Variants in DOCK4 observed in about 807,000 individuals in gnomAD.
The protein encoded by DOCK4 is dedicator of cytokinesis 4.
DOCK4 carries 97 observed loss-of-function variants against 268.1 expected under a neutral mutation model. That is an observed-to-expected ratio of 0.36 (90% confidence interval 0.31 to 0.43). DOCK4 has a LOEUF of 0.43. Among genes scored for constraint, DOCK4 ranks in the 20% least tolerant of loss-of-function variants. The pLI, the probability that DOCK4 is intolerant of heterozygous loss-of-function variation, is 1.00. For missense variants in DOCK4, 2,145 were observed against 2,455.7 expected (o/e 0.87, Z 2.67); for synonymous variants, 954 against 887.2 (o/e 1.08, Z -1.34).
chr7:111,890,840 T>C (rs1808229981), intron 16 of DOCK4, among the ~76,000 whole-genome samples: 1 of 152,230 alleles, frequency 6.6e-6, no homozygotes, highest in African/African-American at 2.4e-5. Flanking sequence ...TTTAAACTAA[T>C]ACTTTACATG....
At chr7:111,745,123 T>C (rs1007077735) in intron 44 of DOCK4, among the ~76,000 whole-genome samples, 3 of 152,186 alleles carry the variant, frequency 2.0e-5, no homozygotes, top group African/African-American at 2.4e-5. Context: ...AGGGACACAG[T>C]AGGCAACAGA....
At chr7:112,021,070 G>A (rs993922759) in intron 1 of DOCK4, among the ~76,000 whole-genome samples, 2 of 152,190 alleles carry the variant, frequency 1.3e-5, no homozygotes, top group South Asian at 2.1e-4. Flanking sequence ...GCTGGGGGAC[G>A]AACACTAGAG....
At chr7:111,996,935 TC>T (rs1800013290) in intron 4 of DOCK4, among the ~76,000 whole-genome samples, 1 of 152,240 alleles carries the variant, frequency 6.6e-6, no homozygotes, top group Non-Finnish European at 1.5e-5. Context: ...TCTTCCTTGG[TC>T]AGAGCATATG....
At chr7:111,847,889 T>C (rs1377426339) in intron 23 of DOCK4, among the ~76,000 whole-genome samples, 1 of 152,212 alleles carries the variant, frequency 6.6e-6, no homozygotes, top group Non-Finnish European at 1.5e-5. Flanking sequence ...AATGGTTATA[T>C]CACAATTTCT....
At chr7:112,199,394 G>T (rs1820729700) in intron 1 of DOCK4, among the ~76,000 whole-genome samples, 1 of 152,036 alleles carries the variant, frequency 6.6e-6, no homozygotes, top group Non-Finnish European at 1.5e-5. Context: ...CATTCCTCAG[G>T]GTACTGCATA....
chr7:111,809,804 C>T (rs1407991658), intron 28 of DOCK4, among the ~76,000 whole-genome samples: 1 of 152,126 alleles, frequency 6.6e-6, no homozygotes, highest in African/African-American at 2.4e-5. Context: ...TGTGTGAGTT[C>T]ATTTTTGGAA....
At chr7:111,897,632 T>TAC (rs1808869290) in intron 15 of DOCK4, among the ~76,000 whole-genome samples, 1 of 152,144 alleles carries the variant, frequency 6.6e-6, no homozygotes, top group Non-Finnish European at 1.5e-5. Flanking sequence ...TGGGAGTATC[T>TAC]ACACCATGGA....
intron 1 of DOCK4, among the ~76,000 whole-genome samples, chr7:112,188,787 GTGT>G (rs149170856): frequency 0.027 from 4,073 of 152,224 alleles, 175 homozygotes; most frequent in African/African-American, 0.093. Context: ...ACAGTAAAGG[GTGT>G]TGTTGTTGTT....
rs770287954 is a variant in DOCK4 at position 111,747,339 on chromosome 7, A to T, written c.4521T>A (p.Ile1507=). The T allele has an allele frequency of 6.8e-6, 11 of 1,613,594 alleles. No individual in the cohort carries two copies. The highest frequency in any genetic ancestry group is 9.3e-6 in the Non-Finnish European group (11 of 1,179,820). Residue 1507 remains isoleucine, a synonymous_variant, in exon 43 of 53, where the codon ATT becomes ATA. Transcript: ENST00000428084. ...CATTCAGGCACATAGTCAGGGGATT[A>T]ATATTCTGCATCTGTCTTGTCTGAC... The part of the protein sequence containing the change: ...SQCQTRQMQN[I]NPLTMCLNGV...
chr7:112,127,275 C>T (rs1386401455), intron 1 of DOCK4, among the ~76,000 whole-genome samples: 1 of 151,534 alleles, frequency 6.6e-6, no homozygotes, highest in Non-Finnish European at 1.5e-5. Context: ...ATGGATGAAA[C>T]TGGAAATCAT....
At chr7:112,125,251 T>C (rs1032848538) in intron 1 of DOCK4, among the ~76,000 whole-genome samples, 1 of 152,222 alleles carries the variant, frequency 6.6e-6, no homozygotes, top group Non-Finnish European at 1.5e-5. Context: ...CCCTGCCCCA[T>C]CAGGATGATC....
chr7:112,068,606 T>C (rs903689027), intron 1 of DOCK4, among the ~76,000 whole-genome samples: 2 of 152,230 alleles, frequency 1.3e-5, no homozygotes, highest in Admixed American at 1.3e-4. Context: ...ATTATAATTA[T>C]GACTCTGCCT....
chr7:111,815,021 T>A (rs1306087588), intron 27 of DOCK4, among the ~76,000 whole-genome samples: 1 of 152,204 alleles, frequency 6.6e-6, no homozygotes, highest in African/African-American at 2.4e-5. Flanking sequence ...CTTTTACAGT[T>A]CCTATAGTAT....
In DOCK4 at chr7:111,741,527, G is replaced by T; in HGVS notation, c.4919+13C>A. The T allele has an allele frequency of 6.2e-7, 1 of 1,611,324 alleles. No individual in the cohort carries two copies. The highest frequency in any genetic ancestry group is 1.1e-5 in the South Asian group (1 of 90,270). ...TGAGGCCAAATTGTAAGATAATTTG[G>T]AATATGACTTACCTGCGTCTAGGAA... On this transcript the variant is annotated intron_variant, in intron 46 of 52. Coordinates refer to ENST00000428084, the MANE Select transcript of DOCK4 (RefSeq NM_001363540.2).
At chr7:112,070,275 C>T (rs778171528) in intron 1 of DOCK4, among the ~76,000 whole-genome samples, 15 of 152,056 alleles carry the variant, frequency 9.9e-5, no homozygotes, top group Non-Finnish European at 1.5e-4. Context: ...CCTTTAGATA[C>T]AGGGGTGGGA....
intron 1 of DOCK4, among the ~76,000 whole-genome samples, chr7:112,093,712 A>T (rs1047944451): frequency 6.6e-6 from 1 of 152,198 alleles, no homozygotes; most frequent in Non-Finnish European, 1.5e-5. Flanking sequence ...AAATCCAGCA[A>T]TTTTGATTCT....
At chr7:112,052,623 T>C (rs1407438799) in intron 1 of DOCK4, among the ~76,000 whole-genome samples, 2 of 152,194 alleles carry the variant, frequency 1.3e-5, no homozygotes, top group Non-Finnish European at 1.5e-5. Flanking sequence ...CATTATGTTG[T>C]AATGCCCCAG....
chr7:111,979,910 A>C (rs2135144072), intron 7 of DOCK4, among the ~76,000 whole-genome samples: 1 of 152,320 alleles, frequency 6.6e-6, no homozygotes, highest in South Asian at 2.1e-4. Context: ...TTTAAAAAAT[A>C]CTTATGCCCA....
Position 112,206,178 on chromosome 7 carries a change from C to A in DOCK4, c.-40G>T. On this transcript the variant is annotated 5_prime_UTR_variant, in exon 1 of 53. Transcript: ENST00000428084. ...CGGGGTCTTCAGGCTTTGTAATCCC[C>A]GCGCCCCTTCTCCGGCTCACAACAA... 6.4e-7 allele frequency: 1 copy of A among 1,554,090 alleles called. No individual in the cohort carries two copies. The highest frequency in any genetic ancestry group is 2.4e-5 in the East Asian group (1 of 41,454).
Sources: allele counts gnomAD v4.1 joint callset (sites outside exome capture counted in the v4.1 genomes callset), GRCh38; gene constraint gnomAD v4.1.1; transcripts MANE v1.5; gene names NCBI Gene and HGNC (gene_info 2026-07-23, HGNC 2026-07-21).